The following MACO1 variants were observed in gnomAD, a reference collection of about 807,000 sequenced individuals.
The protein encoded by MACO1 is macoilin 1.
MACO1 carries 14 observed loss-of-function variants against 78.7 expected under a neutral mutation model. The observed-to-expected ratio is 0.18, with a 90% confidence interval of 0.12 to 0.28. The LOEUF (loss-of-function observed/expected upper bound fraction) is 0.28. Among genes scored for constraint, MACO1 ranks in the 10% least tolerant of loss-of-function variants. The pLI, the probability that MACO1 is intolerant of heterozygous loss-of-function variation, is 1.00. For synonymous variants in MACO1, 288 were observed against 291.6 expected (o/e 0.99, Z 0.12); for missense variants, 501 against 799.0 (o/e 0.63, Z 4.50).
At chr1:25,472,421 G>A (rs867134096) in intron 6 of MACO1, among the ~76,000 whole-genome samples, 1 of 149,812 alleles carries the variant, frequency 6.7e-6, no homozygotes, top group South Asian at 2.1e-4. Flanking sequence ...GTGTTCATGC[G>A]TTCTCATTGT....
At chr1:25,431,636 G>A (rs2042872240) in intron 1 of MACO1, among the ~76,000 whole-genome samples, 1 of 152,028 alleles carries the variant, frequency 6.6e-6, no homozygotes, top group Admixed American at 6.5e-5. Context: ...GGGGGTGGGG[G>A]AGGCTGACAA....
In MACO1 at chr1:25,489,226, G is replaced by A. The variant is rs748710891; in HGVS notation, c.1550G>A (p.Gly517Asp). ...RNRIRELEAE[G>D]KKLTMDMKVK... Reference sequence around the variant, plus strand: ...CGGATCAGAGAACTAGAAGCAGAGGGCAAGAAGCTCACGATGGACATGAAG... The same window carrying A: ...CGGATCAGAGAACTAGAAGCAGAGGACAAGAAGCTCACGATGGACATGAAG... The change falls in exon 9 of 11, where the codon GGC becomes GAC. Residue 517 changes from glycine (G) to aspartate (D), a missense_variant. Physicochemically the swap from Gly to Asp is moderately conservative, Grantham distance 94 (BLOSUM62 -1). Transcript: ENST00000374343. The A allele has an allele frequency of 6.2e-7, 1 of 1,614,060 alleles. No individual in the cohort carries two copies. The highest frequency in any genetic ancestry group is 8.5e-7 in the Non-Finnish European group (1 of 1,179,978).
chr1:25,447,518 A>G (rs1423617552), intron 2 of MACO1, among the ~76,000 whole-genome samples: 2 of 152,214 alleles, frequency 1.3e-5, no homozygotes, highest in Non-Finnish European at 1.5e-5. Flanking sequence ...AAAAATAGTT[A>G]TATTTTCTAA....
chr1:25,463,627 A>G (rs2043190417), intron 6 of MACO1, among the ~76,000 whole-genome samples: 1 of 152,218 alleles, frequency 6.6e-6, no homozygotes, highest in African/African-American at 2.4e-5. Flanking sequence ...TAAGTTGCAA[A>G]GGAATAATAT....
intron 6 of MACO1, among the ~76,000 whole-genome samples, chr1:25,475,900 C>T (rs558400662): frequency 6.6e-6 from 1 of 152,212 alleles, no homozygotes; most frequent in South Asian, 2.1e-4. Flanking sequence ...GAGCATTCTT[C>T]CATGTCATTG....
chr1:25,458,578 C>T lies in MACO1; in HGVS notation c.840C>T (p.Asp280=), dbSNP rs776847491. The change falls in exon 6 of 11, where the codon GAC becomes GAT. Residue 280 remains aspartate, a synonymous_variant. Transcript: ENST00000374343. The part of the protein sequence containing the change: ...INNNNILQPV[D]SKIQEIEYME... ...ACAACAATATTCTACAACCTGTAGA[C>T]TCTAAAATACAAGAGATTGAGTATA... is the stretch of plus-strand genomic sequence containing the variant. 1 of 1,613,698 alleles carries T rather than the reference C, an allele frequency of 6.2e-7. No homozygotes were observed. The highest frequency in any genetic ancestry group is 8.5e-7 in the Non-Finnish European group (1 of 1,179,880).
chr1:25,487,064 T>C (rs1012494509), intron 8 of MACO1, among the ~76,000 whole-genome samples: 8 of 152,338 alleles, frequency 5.3e-5, no homozygotes, highest in African/African-American at 1.7e-4. Context: ...AATCAGTAAG[T>C]TGATTTCAGT....
intron 2 of MACO1, 91 bp downstream of exon 2, chr1:25,446,994 G>A: frequency 6.9e-7 from 1 of 1,455,382 alleles, no homozygotes; most frequent in Non-Finnish European, 9.1e-7. Flanking sequence ...ACTATGTTAG[G>A]ATTAGCTAAT....
intron 4 of MACO1, 54 bp downstream of exon 4, chr1:25,454,436 A>G (rs939866359): frequency 2.7e-6 from 2 of 734,692 alleles, no homozygotes; most frequent in Non-Finnish European, 3.7e-6. Context: ...GTATGTATAT[A>G]TATGTGTGTG....
chr1:25,458,252 G>A (rs1434448873), intron 5 of MACO1, 139 bp from the exon 6 acceptor site: 1 of 1,130,720 alleles, frequency 8.8e-7, no homozygotes, highest in Non-Finnish European at 1.2e-6. Flanking sequence ...TTTGCTTCTT[G>A]ATTAGCGTAT....
intron 2 of MACO1, among the ~76,000 whole-genome samples, 181 bp from the exon 3 acceptor site, chr1:25,448,627 C>T (rs908014184): frequency 3.9e-5 from 6 of 151,944 alleles, no homozygotes; most frequent in South Asian, 4.1e-4. Flanking sequence ...TTAAAGTAAC[C>T]GCTACTTTTT....
chr1:25,431,935 C>G (rs2042877486), intron 1 of MACO1, among the ~76,000 whole-genome samples: 1 of 148,946 alleles, frequency 6.7e-6, no homozygotes, highest in Non-Finnish European at 1.5e-5. Flanking sequence ...TTTTCATCCG[C>G]AAGAAAAGCA....
chr1:25,487,407 C>T (rs1380483169), intron 8 of MACO1, among the ~76,000 whole-genome samples: 2 of 152,206 alleles, frequency 1.3e-5, no homozygotes, highest in African/African-American at 4.8e-5. Flanking sequence ...CCCACCTTGA[C>T]CTCCCAAAGT....
intron 6 of MACO1, among the ~76,000 whole-genome samples, chr1:25,459,252 C>G (rs568301583): frequency 6.6e-6 from 1 of 151,518 alleles, no homozygotes; most frequent in Non-Finnish European, 1.5e-5. Flanking sequence ...CTTGTTCACG[C>G]AAATCTCTGT....
intron 8 of MACO1, among the ~76,000 whole-genome samples, chr1:25,487,455 C>T (rs2043443963): frequency 6.6e-6 from 1 of 152,150 alleles, no homozygotes; most frequent in South Asian, 2.1e-4. Context: ...ACCAGGCCTG[C>T]CATAATTTAT....
chr1:25,497,095 G>T (rs2043544122), intron 10 of MACO1, among the ~76,000 whole-genome samples: 1 of 152,076 alleles, frequency 6.6e-6, no homozygotes, highest in African/African-American at 2.4e-5. Flanking sequence ...GAATCTAGGA[G>T]TTAGACCGGG....
intron 3 of MACO1, 140 bp downstream of exon 3, chr1:25,449,074 A>G: frequency 1.6e-6 from 1 of 637,846 alleles, no homozygotes; most frequent in Non-Finnish European, 2.2e-6. Context: ...GTTATAATAT[A>G]CCTTCAAAAA....
At chr1:25,439,996 C>T (rs1021111804) in intron 1 of MACO1, among the ~76,000 whole-genome samples, 7 of 133,544 alleles carry the variant, frequency 5.2e-5, no homozygotes, top group East Asian at 4.2e-4. Flanking sequence ...CTAGCCTGGG[C>T]AACAAGCGAA....
At chr1:25,481,454 T>G (rs1321643214) in intron 6 of MACO1, among the ~76,000 whole-genome samples, 1 of 152,158 alleles carries the variant, frequency 6.6e-6, no homozygotes, top group Non-Finnish European at 1.5e-5. Flanking sequence ...CAGAGCTGAA[T>G]GTAGAACCCT....
Sources: gnomAD v4.1 joint callset for allele counts (sites outside exome capture counted in the v4.1 genomes callset) on GRCh38, gnomAD v4.1.1 for gene constraint, MANE v1.5 for transcripts, NCBI Gene and HGNC (gene_info 2026-07-23, HGNC 2026-07-21) for gene names.